ANKRD26: variants seen among roughly 807,000 people sequenced by gnomAD.
ANKRD26 encodes the protein ankyrin repeat domain-containing protein 26.
Under a neutral mutation model 208.7 loss-of-function variants are expected in ANKRD26, and 141 were observed. That is an observed-to-expected ratio of 0.68 (90% CI 0.59 to 0.78). The LOEUF (loss-of-function observed/expected upper bound fraction) is 0.78. Ranked by LOEUF, ANKRD26 falls within the 30% of genes least tolerant of loss-of-function variation. The pLI is 0.00. For missense variants in ANKRD26, 1,889 were observed against 1,938.7 expected, an observed-to-expected ratio of 0.97 and a Z score of 0.48; for synonymous variants, 636 against 660.4, an observed-to-expected ratio of 0.96 and a Z score of 0.57.
chr10:26,991,215 A>G (rs979278244), downstream of ANKRD26, among the ~76,000 whole-genome samples: 3 of 152,208 alleles, frequency 2.0e-5, no homozygotes, highest in Admixed American at 6.5e-5. Flanking sequence ...CCAAGCACCA[A>G]TAGGAGAGTT....
intron 1 of ANKRD26, among the ~76,000 whole-genome samples, chr10:27,095,519 G>A (rs914316907): frequency 1.6e-4 from 24 of 152,076 alleles, no homozygotes; most frequent in Non-Finnish European, 1.9e-4. Flanking sequence ...AATACAAAAA[G>A]TAGCCGGACA....
intron 22 of ANKRD26, 107 bp from the exon 23 acceptor site, chr10:27,037,430 T>A: frequency 8.4e-7 from 1 of 1,195,932 alleles, no homozygotes; most frequent in Non-Finnish European, 1.2e-6. Context: ...AATAGCACAT[T>A]AAAATGCAAG....
At chr10:27,087,575 T>C (rs2056165088) in intron 4 of ANKRD26, among the ~76,000 whole-genome samples, 1 of 152,222 alleles carries the variant, frequency 6.6e-6, no homozygotes, top group Non-Finnish European at 1.5e-5. Flanking sequence ...AATTCACTTA[T>C]AAATATAGCA....
chr10:27,047,726 T>C (rs968026876), intron 17 of ANKRD26, among the ~76,000 whole-genome samples: 1 of 126,202 alleles, frequency 7.9e-6, no homozygotes. Flanking sequence ...CTACTACTAA[T>C]AATAATAATA....
At chr10:26,978,905 T>A (rs1289448999) in intron 5 of ANKRD26, among the ~76,000 whole-genome samples, 1 of 152,132 alleles carries the variant, frequency 6.6e-6, no homozygotes, top group Non-Finnish European at 1.5e-5. Flanking sequence ...ACCCTCCTGT[T>A]TCAGTCCTAC....
chr10:26,961,250 A>G, the ANKRD26 span, among the ~76,000 whole-genome samples: 1 of 152,034 alleles, frequency 6.6e-6, no homozygotes, highest in African/African-American at 2.4e-5. Context: ...GACTTTCAAC[A>G]TGCAAGATCT....
intron 15 of ANKRD26, among the ~76,000 whole-genome samples, chr10:27,060,038 T>A (rs7083360): frequency 0.08 from 12,219 of 151,858 alleles, 574 homozygotes; most frequent in African/African-American, 0.13. Context: ...CATCTCTACT[T>A]AAAATACAAA....
intron 12 of ANKRD26, among the ~76,000 whole-genome samples, chr10:27,061,680 C>T (rs1253672088): frequency 1.3e-5 from 2 of 151,208 alleles, no homozygotes; most frequent in Non-Finnish European, 2.9e-5. Flanking sequence ...AATCCTCCTG[C>T]CTTAGCCTCC....
At position 27,004,436 on chromosome 10, in the gene ANKRD26, T is replaced by G. The variant is rs1191644236; in HGVS notation, c.*1154A>C. 1 of 152,098 alleles carries G rather than the reference T, an allele frequency of 6.6e-6. No homozygotes were observed. The highest frequency in any genetic ancestry group is 2.4e-5 in the African/African-American group (1 of 41,412). 9.4% of individuals were successfully genotyped at this position (152,098 alleles called of 1,614,324 possible). ...TTGAGGGTTCGATGGGGAGTAGAGA[T>G]ATGTACATAGTCTCAAATTACCTCC... On this transcript the variant is annotated 3_prime_UTR_variant, in exon 34 of 34. Coordinates refer to ENST00000376087, the MANE Select transcript of ANKRD26 (RefSeq NM_014915.3).
At chr10:27,032,804 G>T (rs2053916136) in intron 25 of ANKRD26, among the ~76,000 whole-genome samples, 1 of 151,324 alleles carries the variant, frequency 6.6e-6, no homozygotes, top group African/African-American at 2.4e-5. Flanking sequence ...AACAGAGTGA[G>T]ACTCTGTCTC....
intron 3 of ANKRD26, among the ~76,000 whole-genome samples, chr10:26,986,628 C>G (rs1171776743): frequency 2.6e-5 from 4 of 152,206 alleles, no homozygotes; most frequent in Non-Finnish European, 4.4e-5. Flanking sequence ...AGGATATGAA[C>G]AGACACTTCT....
chr10:27,063,184 G>T (rs1167425964), intron 12 of ANKRD26, among the ~76,000 whole-genome samples: 1 of 152,202 alleles, frequency 6.6e-6, no homozygotes, highest in Non-Finnish European at 1.5e-5. Flanking sequence ...CTTCCCAACA[G>T]TGAGGTGGAT....
the ANKRD26 span, among the ~76,000 whole-genome samples, chr10:26,963,903 G>GTCTTTTTTTTTTTTTT: frequency 1.4e-5 from 1 of 71,850 alleles, no homozygotes. Flanking sequence ...TGGTTGGTTG[G>GTCTTTTTTTTTTTTTT]TTTTTTTTTT....
the ANKRD26 span, among the ~76,000 whole-genome samples, chr10:26,961,575 C>T: frequency 1.3e-5 from 2 of 152,018 alleles, no homozygotes; most frequent in Non-Finnish European, 2.9e-5. Context: ...CCAGGTGTGG[C>T]GGCACATGCT....
intron 12 of ANKRD26, 85 bp from the exon 13 acceptor site, chr10:27,061,327 TAAC>T: frequency 2.4e-6 from 2 of 822,750 alleles, no homozygotes; most frequent in Non-Finnish European, 3.9e-6. Context: ...TAGATATTAA[TAAC>T]ATTTTATATT....
At chr10:26,978,895 A>G (rs1042938749) in intron 5 of ANKRD26, among the ~76,000 whole-genome samples, 1 of 152,022 alleles carries the variant, frequency 6.6e-6, no homozygotes, top group Non-Finnish European at 1.5e-5. Flanking sequence ...CTGATAACAT[A>G]CCCTCCTGTT....
At chr10:26,956,306 T>A in the ANKRD26 span, among the ~76,000 whole-genome samples, 1 of 152,202 alleles carries the variant, frequency 6.6e-6, no homozygotes, top group African/African-American at 2.4e-5. Flanking sequence ...TGTTTTACCA[T>A]ATGTCATAAG....
chr10:26,953,118 CAA>C, the ANKRD26 span, among the ~76,000 whole-genome samples: 1 of 151,974 alleles, frequency 6.6e-6, no homozygotes, highest in African/African-American at 2.4e-5. Context: ...GTTTTATAGC[CAA>C]AGAGATTGTA....
chr10:26,989,613 T>C (rs895510905), downstream of ANKRD26, among the ~76,000 whole-genome samples: 2 of 152,144 alleles, frequency 1.3e-5, no homozygotes, highest in African/African-American at 4.8e-5. Context: ...TGACAGACAA[T>C]TGCTGGGGTT....
Sources: gnomAD v4.1 joint callset for allele counts (sites outside exome capture counted in the v4.1 genomes callset) on GRCh38, gnomAD v4.1.1 for gene constraint, MANE v1.5 for transcripts, NCBI Gene and HGNC (gene_info 2026-07-23, HGNC 2026-07-21) for gene names.